ZNF407: variants seen among roughly 807,000 people sequenced by gnomAD.
ZNF407 encodes the protein zinc finger protein 407.
A neutral mutation model predicts 131.2 loss-of-function variants in ZNF407; 17 were observed. The observed-to-expected ratio is 0.13, with a 90% CI of 0.09 to 0.19. The LOEUF is 0.19. ZNF407 is among the 10% of genes least tolerant of loss of function. ZNF407 has a pLI of 1.00. For missense variants in ZNF407, 2,681 were observed against 2,830.6 expected (o/e 0.95, Z 1.20); for synonymous variants, 1,156 against 1,062.0 (o/e 1.09, Z -1.72).
chr18:75,000,125 G>A (rs186600109), intron 8 of ZNF407, among the ~76,000 whole-genome samples: 3 of 152,294 alleles, frequency 2.0e-5, no homozygotes, highest in Non-Finnish European at 1.5e-5. Context: ...AAATATCTGT[G>A]GGCGGGTCCA....
intron 3 of ZNF407, among the ~76,000 whole-genome samples, chr18:74,738,713 C>T (rs531389407): frequency 8.6e-5 from 13 of 151,888 alleles, no homozygotes; most frequent in Non-Finnish European, 1.6e-4. Flanking sequence ...ATCTCCAGCC[C>T]GGGTGACAGT....
intron 8 of ZNF407, among the ~76,000 whole-genome samples, chr18:75,061,004 T>G (rs1042715497): frequency 7.9e-5 from 12 of 152,206 alleles, no homozygotes; most frequent in African/African-American, 2.9e-4. Context: ...TGATCCTGCC[T>G]GAGATGCACC....
In ZNF407 at chr18:74,982,020, G is replaced by A. The variant is rs1972598749; in HGVS notation, c.5428+61328G>A. Among the ~76,000 whole-genome samples the A allele has an allele frequency of 2.6e-5, 4 of 152,134 alleles. No individual in the cohort carries two copies. The South Asian group carries it at 8.3e-4, about 32-fold the overall frequency. On this transcript the variant is annotated intron_variant, in intron 8 of 8. Transcript: ENST00000299687. ...CCAATAATTTGAGTGCTTATGATGG[G>A]CTTCTTCACAAGATTTATCTAAGAG...
intron 3 of ZNF407, among the ~76,000 whole-genome samples, chr18:74,767,319 A>G (rs1367538238): frequency 6.6e-6 from 1 of 152,182 alleles, no homozygotes; most frequent in Admixed American, 6.5e-5. Context: ...AATTCTTCTT[A>G]ATTGATAACT....
At chr18:74,846,127 G>A (rs1970698994) in intron 4 of ZNF407, among the ~76,000 whole-genome samples, 1 of 152,130 alleles carries the variant, frequency 6.6e-6, no homozygotes, top group African/African-American at 2.4e-5. Flanking sequence ...GAATCAGGAG[G>A]AAATGTGAAC....
chr18:74,843,582 A>T (rs1402126911), intron 4 of ZNF407, among the ~76,000 whole-genome samples: 1 of 152,226 alleles, frequency 6.6e-6, no homozygotes, highest in Non-Finnish European at 1.5e-5. Context: ...TGGGACTAGC[A>T]AATCTGATCT....
intron 3 of ZNF407, among the ~76,000 whole-genome samples, chr18:74,738,427 A>G (rs1292047825): frequency 5.3e-4 from 4 of 7,518 alleles, no homozygotes; most frequent in Non-Finnish European, 8.0e-4. Flanking sequence ...CTCAAGAAAA[A>G]AAAAAAAAAA....
intron 4 of ZNF407, among the ~76,000 whole-genome samples, chr18:74,800,630 T>A (rs1353982673): frequency 1.3e-5 from 2 of 152,174 alleles, no homozygotes; most frequent in Non-Finnish European, 2.9e-5. Flanking sequence ...ACGAAGATAA[T>A]TGTTTTTCTC....
chr18:74,601,329 C>CTGTGTGTGTG (rs60358173), intron 1 of ZNF407, among the ~76,000 whole-genome samples: 438 of 144,862 alleles, frequency 3.0e-3, no homozygotes, highest in Middle Eastern at 7.0e-3. Flanking sequence ...GTGTGTATGT[C>CTGTGTGTGTG]TGTGTGTGTG....
intron 4 of ZNF407, among the ~76,000 whole-genome samples, chr18:74,871,239 AG>A (rs1261277030): frequency 3.3e-5 from 5 of 152,208 alleles, no homozygotes; most frequent in African/African-American, 1.2e-4. Context: ...GCAGCTCTGA[AG>A]AAATTCAGGT....
intron 3 of ZNF407, among the ~76,000 whole-genome samples, chr18:74,654,674 T>C (rs113829935): frequency 0.029 from 4,378 of 151,944 alleles, 106 homozygotes; most frequent in Non-Finnish European, 0.042. Context: ...CTACATAATA[T>C]ATCTTTACAA....
At chr18:74,887,761 A>G (rs1254321312) in intron 6 of ZNF407, among the ~76,000 whole-genome samples, 2 of 152,146 alleles carry the variant, frequency 1.3e-5, no homozygotes, top group East Asian at 3.9e-4. Context: ...TTTAATCCTC[A>G]CAATCACCCT....
rs1000452519 is a variant in ZNF407 at position 74,827,865 on chromosome 18, G to A, written c.4877+46363G>A. On this transcript the variant is annotated intron_variant, in intron 4 of 8. Coordinates refer to ENST00000299687, the MANE Select transcript of ZNF407 (RefSeq NM_017757.3). Reference sequence around the variant, plus strand: ...ATACCACCAATTCCAATTCTGATCCGACCTCACAGGGTTAATTTTAGCTTT... The same window carrying A: ...ATACCACCAATTCCAATTCTGATCCAACCTCACAGGGTTAATTTTAGCTTT... Among the ~76,000 whole-genome samples, 10 of 152,292 alleles carry A rather than the reference G, an allele frequency of 6.6e-5. No individual in the cohort carries two copies. The South Asian group carries it at 1.2e-3, about 19-fold the overall frequency.
At position 74,633,419 on chromosome 18, in the gene ZNF407, T is replaced by TA. The variant is rs1984244923; in HGVS notation, c.2401dup (p.Ile801AsnfsTer12). The stretch of plus-strand genomic sequence containing the variant: ...CCGGAAATGGAAGGATTGAAGGCCA[T>TA]ATAGGTGTGCAATTACAAGAGCATT... On this transcript the variant is annotated frameshift_variant, in exon 2 of 9. Coordinates refer to ENST00000299687, the MANE Select transcript of ZNF407 (RefSeq NM_017757.3). LOFTEE classifies it high-confidence loss of function. The TA allele has an allele frequency of 6.2e-7, 1 of 1,613,876 alleles. No homozygotes were observed. Among genetic ancestry groups the TA allele is most frequent in the Non-Finnish European group, 8.5e-7 (1 of 1,179,898 alleles).
intron 4 of ZNF407, among the ~76,000 whole-genome samples, chr18:74,876,562 A>G (rs1455370562): frequency 6.6e-6 from 1 of 152,160 alleles, no homozygotes; most frequent in African/African-American, 2.4e-5. Flanking sequence ...TGTTATTTTC[A>G]GTATTTTTTT....
intron 7 of ZNF407, among the ~76,000 whole-genome samples, chr18:74,914,493 C>G (rs1971719725): frequency 6.6e-6 from 1 of 152,216 alleles, no homozygotes; most frequent in Non-Finnish European, 1.5e-5. Context: ...CCAGGAATAG[C>G]TTTTACCAAC....
chr18:74,793,133 GTTTA>G (rs1969856660), intron 4 of ZNF407, among the ~76,000 whole-genome samples: 1 of 152,132 alleles, frequency 6.6e-6, no homozygotes, highest in Non-Finnish European at 1.5e-5. Flanking sequence ...TCTCAGTATT[GTTTA>G]TTTTTCTTTA....
chr18:74,968,490 C>G (rs983525416), intron 8 of ZNF407, among the ~76,000 whole-genome samples: 2 of 152,146 alleles, frequency 1.3e-5, no homozygotes, highest in Admixed American at 1.3e-4. Flanking sequence ...TGCAGTAGGT[C>G]TAAAGCTTTT....
chr18:74,830,891 AT>A (rs1232083280), intron 4 of ZNF407, among the ~76,000 whole-genome samples: 2 of 151,976 alleles, frequency 1.3e-5, no homozygotes, highest in African/African-American at 4.8e-5. Context: ...ATTTTTTGTC[AT>A]TTAACCAATG....
Sources: allele counts gnomAD v4.1 joint callset (sites outside exome capture counted in the v4.1 genomes callset), GRCh38; gene constraint gnomAD v4.1.1; transcripts MANE v1.5; gene names NCBI Gene and HGNC (gene_info 2026-07-23, HGNC 2026-07-21).